The following PLPP2 variants were observed in gnomAD, a reference collection of about 807,000 sequenced individuals.
PLPP2 encodes phospholipid phosphatase 2.
In PLPP2, 29 loss-of-function variants were observed where a neutral mutation model predicts 35.2. The ratio of observed to expected loss-of-function variants is 0.82; its 90% CI spans 0.61 to 1.12. PLPP2 has a LOEUF of 1.12. Ranked by LOEUF, PLPP2 falls within the 50% of genes most tolerant of loss-of-function variation. The pLI, the probability that PLPP2 is intolerant of heterozygous loss-of-function variation, is 0.00. For synonymous variants in PLPP2, 162 were observed against 167.0 expected (o/e 0.97, Z 0.23); for missense variants, 353 against 375.2 (o/e 0.94, Z 0.49).
intron 3 of PLPP2, chr19:286,726 C>T (rs1378610422): frequency 1.3e-5 from 2 of 151,964 alleles, no homozygotes; most frequent in African/African-American, 4.8e-5. Flanking sequence ...CTTTAGGAGG[C>T]CAAAGTGGGC....
intron 1 of PLPP2, chr19:291,038 C>T (rs1970380073): frequency 7.8e-7 from 1 of 1,280,544 alleles, no homozygotes; most frequent in Non-Finnish European, 9.8e-7. Flanking sequence ...ATGCTGGCCC[C>T]GGCTCCCCGG....
chr19:282,269 C>G lies in PLPP2; in HGVS notation c.582G>C (p.Leu194=), dbSNP rs1187799954. The change falls in exon 5 of 6, where the codon CTG becomes CTC. Residue 194 remains leucine, a synonymous_variant. Coordinates refer to ENST00000434325, the MANE Select transcript of PLPP2 (RefSeq NM_003712.4). ...GGAAGAACTGGACTGTGGGTCGCAGCAGCCGTGCCCACTTCCAACAGAGTC... is the reference window on the plus strand; with the variant it reads ...GGAAGAACTGGACTGTGGGTCGCAGGAGCCGTGCCCACTTCCAACAGAGTC... ...QARLCWKWAR[L]LRPTVQFFLV... The G allele has an allele frequency of 6.2e-6, 10 of 1,613,730 alleles. No homozygotes were observed. The highest frequency in any genetic ancestry group is 8.5e-6 in the Non-Finnish European group (10 of 1,179,882).
intron 1 of PLPP2, 135 bp downstream of exon 1, chr19:291,150 C>G: frequency 6.9e-7 from 1 of 1,458,584 alleles, no homozygotes; most frequent in Non-Finnish European, 9.1e-7. Context: ...GGTCCTCACG[C>G]GAGGTCCCCG....
Position 287,861 on chromosome 19 carries a change from G to C in PLPP2, c.205-110C>G. The stretch of plus-strand genomic sequence containing the variant: ...TGGAGAGCTGGGGACTCTGAAGGGG[G>C]CCCTATTACCCACAGGTACCACTCA... On this transcript the variant is annotated intron_variant, in intron 2 of 5. Transcript: ENST00000434325. The surrounding 1 kb of genome is among the most constrained non-coding windows in gnomAD (Gnocchi z 4.3). The C allele has an allele frequency of 6.6e-7, 1 of 1,518,306 alleles. No individual in the cohort carries two copies. Among genetic ancestry groups the C allele is most frequent in the Admixed American group, 1.9e-5 (1 of 52,090 alleles). 94.1% of individuals were successfully genotyped at this position (1,518,306 alleles called of 1,614,324 possible).
In PLPP2 at chr19:290,107, C is replaced by G. The variant is rs1030564681; in HGVS notation, c.52+1178G>C. Among the ~76,000 whole-genome samples the G allele has an allele frequency of 7.2e-5, 11 of 152,124 alleles. No homozygotes were observed. In the South Asian group the frequency reaches 2.3e-3, roughly 31 times the overall value. On this transcript the variant is annotated intron_variant, in intron 1 of 5. Transcript: ENST00000434325. Reference sequence around the variant, plus strand: ...CGGGAGCCCTCCCGCCCTCACACTGCCCTCATGCCAGCATCTGGAACCTCA... The same window carrying G: ...CGGGAGCCCTCCCGCCCTCACACTGGCCTCATGCCAGCATCTGGAACCTCA...
Position 287,689 on chromosome 19 carries a change from G to C in PLPP2, c.267C>G (p.Asn89Lys). The C allele has an allele frequency of 1.2e-6, 2 of 1,613,972 alleles. No homozygotes were observed. Among genetic ancestry groups the C allele is most frequent in the Non-Finnish European group, 1.7e-6 (2 of 1,180,038 alleles). ...TDRLYSRSDF[N>K]NYVAAVYKVL... Reference sequence around the variant, plus strand: ...CCTTGTATACAGCAGCCACGTAGTTGTTGAAGTCCGAGCGAGAATAGAGCC... The same window carrying C: ...CCTTGTATACAGCAGCCACGTAGTTCTTGAAGTCCGAGCGAGAATAGAGCC... Residue 89 changes from asparagine (N) to lysine (K), a missense_variant, in exon 3 of 6, where the codon AAC (asparagine) becomes AAG (lysine). Asn to Lys is a moderately conservative substitution (Grantham distance 94). Transcript: ENST00000434325. This position sits in a 1 kb window ranked among gnomAD's most constrained non-coding sequence, Gnocchi z 4.3.
In PLPP2 at chr19:287,707, A is replaced by G; in HGVS notation, c.249T>C (p.Tyr83=). The change falls in exon 3 of 6, where the codon TAT becomes TAC. Residue 83 remains tyrosine, a synonymous_variant. Transcript: ENST00000434325. This position sits in a 1 kb window ranked among gnomAD's most constrained non-coding sequence, Gnocchi z 4.3. ...EAYLVYTDRL[Y]SRSDFNNYVA... is the part of the protein sequence containing the mutation. The stretch of plus-strand genomic sequence containing the variant: ...CGTAGTTGTTGAAGTCCGAGCGAGA[A>G]TAGAGCCGGTCTGTGTACACCAGGT... 1 of 1,613,890 alleles carries G rather than the reference A, an allele frequency of 6.2e-7. No homozygotes were observed. The highest frequency in any genetic ancestry group is 8.5e-7 in the Non-Finnish European group (1 of 1,180,028).
Position 287,303 on chromosome 19 carries a change from A to G in PLPP2, c.482+171T>C. 1.3e-6 allele frequency: 1 copy of G among 798,820 alleles called. No homozygotes were observed. The highest frequency in any genetic ancestry group is 3.8e-4 in the Middle Eastern group (1 of 2,640). 49.5% of individuals were successfully genotyped at this position (798,820 alleles called of 1,614,324 possible). A position where few individuals can be genotyped will look rare whatever the true frequency, so the allele number is the denominator to read the frequency against. ...GCAAAAACTGACAGAATGTTACAACATGGATGAACTTCAAAAACATACAAG... is the reference window on the plus strand; with the variant it reads ...GCAAAAACTGACAGAATGTTACAACGTGGATGAACTTCAAAAACATACAAG... On this transcript the variant is annotated intron_variant, in intron 3 of 5. Transcript: ENST00000434325. The surrounding 1 kb of genome is among the most constrained non-coding windows in gnomAD (Gnocchi z 4.3).
intron 1 of PLPP2, among the ~76,000 whole-genome samples, chr19:290,239 C>T (rs1038781662): frequency 6.6e-5 from 10 of 152,202 alleles, no homozygotes; most frequent in Admixed American, 6.5e-4. Flanking sequence ...CTCGGCTGTA[C>T]CTCCCGCTGC....
intron 1 of PLPP2, 80 bp downstream of exon 1, chr19:291,204 TC>T: frequency 6.3e-7 from 1 of 1,586,684 alleles, no homozygotes; most frequent in Admixed American, 1.7e-5. Flanking sequence ...GCCTCCGCGT[TC>T]CCCTGCAAAC....
At position 288,082 on chromosome 19, in the gene PLPP2, G is replaced by T; in HGVS notation, c.142C>A (p.Arg48Ser). ...CGDDSIRYPY[R>S]PDTITHGLMA... ...AGCCCGTGGGTGATGGTATCTGGAC[G>T]GTAGGGGTACCGGATGGAGTCATCC... Residue 48 changes from arginine to serine, a missense_variant, in exon 2 of 6, where the codon CGT becomes AGT. Physicochemically the swap from Arg to Ser is moderately radical, Grantham distance 110 (BLOSUM62 -1). Transcript: ENST00000434325. The T allele has an allele frequency of 1.2e-6, 2 of 1,613,648 alleles. No homozygotes were observed. Among genetic ancestry groups the T allele is most frequent in the Non-Finnish European group, 1.7e-6 (2 of 1,179,858 alleles).
At position 282,669 on chromosome 19, in the gene PLPP2, C is replaced by T. The variant is rs72982354; in HGVS notation, c.540+83G>A. ...TCACCACCACTACCCACCCATTTTA[C>T]AGCTGGAAAAACTGAGGTCCAGGGA... On this transcript the variant is annotated intron_variant, in intron 4 of 5. Coordinates refer to ENST00000434325, the MANE Select transcript of PLPP2 (RefSeq NM_003712.4). 1.6e-3 allele frequency: 2,329 copies of T among 1,440,648 alleles called. 2 individuals are homozygous for T. The highest frequency in any genetic ancestry group is 2.0e-3 in the Non-Finnish European group (2,061 of 1,033,664). The allele number at this position is 1,440,648 out of a possible 1,614,324, so 89.2% of individuals were successfully genotyped here. A position where few individuals can be genotyped will look rare whatever the true frequency, so the allele number is the denominator to read the frequency against.
At chr19:290,062 C>G (rs1023715771) in intron 1 of PLPP2, among the ~76,000 whole-genome samples, 1 of 152,186 alleles carries the variant, frequency 6.6e-6, no homozygotes, top group Non-Finnish European at 1.5e-5. Context: ...AAAACAGACA[C>G]CTTCTCTTCA....
chr19:288,216 G>T (rs745424654), intron 1 of PLPP2, 45 bp from the exon 2 acceptor site: 1 of 1,536,838 alleles, frequency 6.5e-7, no homozygotes, highest in Non-Finnish European at 8.8e-7. Flanking sequence ...TCTCTCACCA[G>T]CTGGGCCTTG....
chr19:284,900 A>ACTG, intron 3 of PLPP2: 3 of 151,876 alleles, frequency 2.0e-5, no homozygotes, highest in African/African-American at 7.3e-5. Flanking sequence ...GCAGATCACA[A>ACTG]AGGTCGGGAG....
rs1214621140 is a variant in PLPP2, at chr19:291,403, C to A, written c.-67G>T. ...GCGTCCCGGCCCGGCCGCGGAGTCA[C>A]GTGGCGCGGAGCCCGCCCCGCGCGG... On this transcript the variant is annotated 5_prime_UTR_variant, in exon 1 of 6. Coordinates refer to ENST00000434325, the MANE Select transcript of PLPP2 (RefSeq NM_003712.4). 6.6e-6 allele frequency: 9 copies of A among 1,355,638 alleles called. No individual in the cohort carries two copies. The Admixed American group carries it at 7.1e-5, about 11-fold the overall frequency. The allele number at this position is 1,355,638 out of a possible 1,614,324, so 84.0% of individuals were successfully genotyped here.
intron 3 of PLPP2, chr19:284,263 A>C (rs930689480): frequency 1.3e-5 from 2 of 151,762 alleles, no homozygotes; most frequent in Non-Finnish European, 2.9e-5. Flanking sequence ...CTGAGGCAGG[A>C]GATTTGCTTG....
rs1439959646 is a variant in PLPP2 at position 282,191 on chromosome 19, G to A, written c.660C>T (p.His220=). 6.2e-7 allele frequency: 1 copy of A among 1,613,884 alleles called. No homozygotes were observed. The highest frequency in any genetic ancestry group is 8.5e-7 in the Non-Finnish European group (1 of 1,179,884). The stretch of plus-strand genomic sequence containing the variant: ...GGCCAACAAGGACATCGCTCCAGTG[G>A]TGTTTGTAATCAGACACGCGGGTGT... ...VGYTRVSDYK[H]HWSDVLVGLL... Residue 220 remains histidine, a synonymous_variant, in exon 5 of 6, where the codon CAC becomes CAT. Coordinates refer to ENST00000434325, the MANE Select transcript of PLPP2 (RefSeq NM_003712.4).
chr19:289,025 C>A (rs1378250850), intron 1 of PLPP2, among the ~76,000 whole-genome samples: 6 of 152,210 alleles, frequency 3.9e-5, no homozygotes, highest in African/African-American at 1.4e-4. Flanking sequence ...CAGGACAGAC[C>A]CAGCCCTGGC....
Sources: allele counts gnomAD v4.1 joint callset (sites outside exome capture counted in the v4.1 genomes callset), GRCh38; gene constraint gnomAD v4.1.1; non-coding constraint Gnocchi (gnomAD v3.1); transcripts MANE v1.5; gene names NCBI Gene and HGNC (gene_info 2026-07-23, HGNC 2026-07-21).